The following CFAP54 variants were observed in gnomAD, a reference collection of about 807,000 sequenced individuals.
CFAP54 encodes cilia- and flagella-associated protein 54.
Under a neutral mutation model 370.4 loss-of-function variants are expected in CFAP54, and 290 were observed. That is an observed-to-expected ratio of 0.78 (90% CI 0.71 to 0.86). CFAP54 has a LOEUF of 0.86. Ranked by LOEUF, CFAP54 falls within the 40% of genes least tolerant of loss-of-function variation. CFAP54 has a pLI of 0.00. For missense variants in CFAP54, 3,399 were observed against 3,528.7 expected, an observed-to-expected ratio of 0.96 and a Z score of 0.93; for synonymous variants, 1,206 against 1,236.5, an observed-to-expected ratio of 0.98 and a Z score of 0.52.
intron 60 of CFAP54, among the ~76,000 whole-genome samples, chr12:96,780,661 C>T (rs1958572120): frequency 6.6e-6 from 1 of 152,092 alleles, no homozygotes; most frequent in South Asian, 2.1e-4. Context: ...GTTGAAAAGG[C>T]CTATTGTGTT....
chr12:96,540,382 G>A (rs1955557412), intron 13 of CFAP54: 1 of 152,630 alleles, frequency 6.6e-6, no homozygotes, highest in African/African-American at 2.4e-5. Flanking sequence ...TTACAGGCGT[G>A]AACCACCGTG....
At position 96,700,210 on chromosome 12, in the gene CFAP54, G is replaced by C. The variant is rs571602626; in HGVS notation, c.6474+117G>C. On this transcript the variant is annotated intron_variant, in intron 46 of 67. Coordinates refer to ENST00000524981, the MANE Select transcript of CFAP54 (RefSeq NM_001306084.2). ...AATCTCTGGTATTTTAGCCCTCTTTGTTAAGCCTGGTTACAACTAACATCA... is the reference window on the plus strand; with the variant it reads ...AATCTCTGGTATTTTAGCCCTCTTTCTTAAGCCTGGTTACAACTAACATCA... 1.8e-5 allele frequency: 20 copies of C among 1,112,388 alleles called. 1 individual carries two copies. The South Asian group carries it at 2.9e-4, about 16-fold the overall frequency. 68.9% of individuals were successfully genotyped at this position (1,112,388 alleles called of 1,614,324 possible).
Position 96,647,864 on chromosome 12 carries a change from C to A in CFAP54, c.4548-11C>A. Reference sequence around the variant, plus strand: ...ATATTGTTTTTTAATATGATTTTTCCCCCCTTGCAGTTTCCGATCATGTGA... The same window carrying A: ...ATATTGTTTTTTAATATGATTTTTCACCCCTTGCAGTTTCCGATCATGTGA... On this transcript the variant is annotated splice_polypyrimidine_tract_variant and intron_variant, in intron 33 of 67. Coordinates refer to ENST00000524981, the MANE Select transcript of CFAP54 (RefSeq NM_001306084.2). 6.7e-7 allele frequency: 1 copy of A among 1,482,606 alleles called. No homozygotes were observed. Among genetic ancestry groups the A allele is most frequent in the Non-Finnish European group, 8.9e-7 (1 of 1,127,576 alleles). 91.8% of individuals were successfully genotyped at this position (1,482,606 alleles called of 1,614,324 possible).
chr12:96,833,082 A>G (rs954887258), intron 66 of CFAP54, among the ~76,000 whole-genome samples: 3 of 152,224 alleles, frequency 2.0e-5, no homozygotes, highest in Admixed American at 2.0e-4. Flanking sequence ...ACAAAAAGAA[A>G]CTGAGAATAG....
At chr12:96,666,155 G>A (rs1478045201) in intron 39 of CFAP54, among the ~76,000 whole-genome samples, 1 of 152,196 alleles carries the variant, frequency 6.6e-6, no homozygotes. Context: ...CAAAAACAAA[G>A]ATGGAAAAAG....
At chr12:96,742,169 C>A (rs1958058438) in intron 51 of CFAP54, among the ~76,000 whole-genome samples, 1 of 152,044 alleles carries the variant, frequency 6.6e-6, no homozygotes. Flanking sequence ...ATTCACACTG[C>A]AAAACTATTT....
At chr12:96,567,676 G>C (rs894501591) in intron 19 of CFAP54, among the ~76,000 whole-genome samples, 32 of 152,102 alleles carry the variant, frequency 2.1e-4, no homozygotes, top group Admixed American at 1.9e-3. Context: ...TACTAATCTT[G>C]GGTCTTCTTA....
intron 15 of CFAP54, among the ~76,000 whole-genome samples, chr12:96,549,198 C>T (rs930960142): frequency 3.2e-4 from 49 of 152,086 alleles, no homozygotes; most frequent in African/African-American, 1.2e-3. Context: ...GAATCACTGG[C>T]TTATGGGCTA....
intron 66 of CFAP54, among the ~76,000 whole-genome samples, chr12:96,839,772 T>C (rs796647755): frequency 7.2e-5 from 11 of 152,248 alleles, no homozygotes; most frequent in African/African-American, 2.4e-4. Context: ...GAAGGCTCAT[T>C]TAGTCTGGTG....
chr12:96,589,443 GTAAC>G lies in CFAP54; in HGVS notation c.3095_3098del (p.Asn1032MetfsTer29). On this transcript the variant is annotated frameshift_variant, in exon 23 of 68. Coordinates refer to ENST00000524981, the MANE Select transcript of CFAP54 (RefSeq NM_001306084.2). LOFTEE classifies it high-confidence loss of function. ...TTGTTATAGGTTGCCTATCAAGTTG[GTAAC>G]TATGAATTGGCTAAGAAAGTTTTCT... 6.5e-7 allele frequency: 1 copy of G among 1,532,288 alleles called. No homozygotes were observed. The highest frequency in any genetic ancestry group is 8.7e-7 in the Non-Finnish European group (1 of 1,144,112). The allele number at this position is 1,532,288 out of a possible 1,614,324, so 94.9% of individuals were successfully genotyped here.
At chr12:96,755,226 C>G (rs1441819604) in intron 56 of CFAP54, among the ~76,000 whole-genome samples, 2 of 152,092 alleles carry the variant, frequency 1.3e-5, no homozygotes, top group African/African-American at 4.8e-5. Context: ...TTTTAACTGA[C>G]AAAGCAATTG....
At position 96,630,596 on chromosome 12, in the gene CFAP54, C is replaced by T; in HGVS notation, c.4261C>T (p.Leu1421=). 1.3e-6 allele frequency: 2 copies of T among 1,507,114 alleles called. No homozygotes were observed. The highest frequency in any genetic ancestry group is 1.8e-6 in the Non-Finnish European group (2 of 1,133,046). The allele number at this position is 1,507,114 out of a possible 1,614,324, so 93.4% of individuals were successfully genotyped here. ...AATAAGAAGTAAAAAAAAGGAAACT[C>T]TAAGAGATTTCATTTTTAAAAATCC... The part of the protein sequence containing the change: ...QRIRSKKKET[L]RDFIFKNPAI... Residue 1421 remains leucine, a synonymous_variant, in exon 32 of 68, where the codon CTA becomes TTA. Transcript: ENST00000524981.
chr12:96,498,683 G>T (rs1438052675), intron 1 of CFAP54, among the ~76,000 whole-genome samples: 3 of 152,122 alleles, frequency 2.0e-5, no homozygotes, highest in African/African-American at 7.2e-5. Flanking sequence ...ACTCCTAGTA[G>T]ATAACATAGG....
chr12:96,834,592 T>A (rs1959180285), intron 66 of CFAP54, among the ~76,000 whole-genome samples: 2 of 152,188 alleles, frequency 1.3e-5, no homozygotes, highest in Admixed American at 1.3e-4. Flanking sequence ...AGCAGCTTCC[T>A]TGGTTGGCAG....
chr12:96,606,308 C>T (rs1956300287), intron 26 of CFAP54, among the ~76,000 whole-genome samples: 1 of 152,122 alleles, frequency 6.6e-6, no homozygotes, highest in Non-Finnish European at 1.5e-5. Context: ...GTTGAGTGGG[C>T]AGGTTTCAGC....
Position 96,598,742 on chromosome 12 carries a change from C to G in CFAP54, c.3614C>G (p.Ala1205Gly), listed in dbSNP as rs1430192241. The change falls in exon 26 of 68, where the codon GCT becomes GGT. Residue 1205 changes from alanine (A) to glycine (G), a missense_variant. Around this residue, in one of 3 missense-constraint regions of CFAP54, gnomAD observed 2,796 missense variants for 2,869.7 expected, o/e 0.97. Coordinates refer to ENST00000524981, the MANE Select transcript of CFAP54 (RefSeq NM_001306084.2). ...TTTGAAAGTATACAACACATGATAG[C>G]TTGTTGTATTTTCTACATAACAAAG... ...ASFESIQHMI[A>G]CCIFYITKIL... is the part of the protein sequence containing the mutation. The G allele has an allele frequency of 1.6e-6, 1 of 637,582 alleles. No individual in the cohort carries two copies. Among genetic ancestry groups the G allele is most frequent in the Non-Finnish European group, 2.9e-6 (1 of 350,160 alleles). 39.5% of individuals were successfully genotyped at this position (637,582 alleles called of 1,614,324 possible).
At chr12:96,522,230 C>T (rs1955328771) in intron 8 of CFAP54, 41 bp downstream of exon 8, 2 of 1,343,750 alleles carry the variant, frequency 1.5e-6, no homozygotes, top group Admixed American at 4.5e-5. Context: ...ACTCTTTTTG[C>T]AGTATATTTG....
intron 60 of CFAP54, among the ~76,000 whole-genome samples, chr12:96,783,404 C>T (rs1331067163): frequency 6.6e-6 from 1 of 152,030 alleles, no homozygotes; most frequent in Admixed American, 6.6e-5. Flanking sequence ...TTTTTCGCTT[C>T]CCAGAGACAA....
In CFAP54 at chr12:96,737,582, C is replaced by T. The variant is rs113935105; in HGVS notation, c.6966-2374C>T. ...TTGGCTCACTGCAACCTCTGCCTCC[C>T]GGGTTCAAACCATCCTCCTGCCTCA... On this transcript the variant is annotated intron_variant, in intron 50 of 67. Coordinates refer to ENST00000524981, the MANE Select transcript of CFAP54 (RefSeq NM_001306084.2). 7.8e-3 allele frequency among the ~76,000 whole-genome samples: 1,174 copies of T among 151,474 alleles called. 18 individuals are homozygous for T. The highest frequency in any genetic ancestry group is 0.027 in the African/African-American group (1,110 of 41,312).
Sources: allele counts gnomAD v4.1 joint callset (sites outside exome capture counted in the v4.1 genomes callset), GRCh38; gene constraint gnomAD v4.1.1; regional missense constraint gnomAD v4.1.1; transcripts MANE v1.5; gene names NCBI Gene and HGNC (gene_info 2026-07-23, HGNC 2026-07-21).